Variants in ATG2B observed in about 807,000 individuals in gnomAD.
ATG2B encodes the protein autophagy related 2B, also known as autophagy-related protein 2 homolog B.
ATG2B carries 121 observed loss-of-function variants against 241.3 expected under a neutral mutation model. The observed-to-expected ratio is 0.50, with a 90% CI of 0.43 to 0.58. ATG2B has a LOEUF of 0.58. ATG2B is among the 20% of genes least tolerant of loss of function. ATG2B has a pLI of 0.00. For missense variants in ATG2B, 2,306 were observed against 2,491.6 expected (o/e 0.93, Z 1.59); for synonymous variants, 858 against 876.6 (o/e 0.98, Z 0.37).
At chr14:96,294,288 G>C (rs7158344) in intron 36 of ATG2B, among the ~76,000 whole-genome samples, 6,630 of 152,266 alleles carry the variant, frequency 0.044, 220 homozygotes, top group Non-Finnish European at 0.067. Flanking sequence ...ATAACAAGGG[G>C]GCACTGATCT....
At chr14:96,318,071 A>G (rs550964962) in intron 18 of ATG2B, among the ~76,000 whole-genome samples, 1 of 152,358 alleles carries the variant, frequency 6.6e-6, no homozygotes, top group South Asian at 2.1e-4. Flanking sequence ...GGGCAGTGAC[A>G]AAAGAATCTG....
chr14:96,360,816 G>A (rs1888604188), intron 1 of ATG2B, among the ~76,000 whole-genome samples: 1 of 151,634 alleles, frequency 6.6e-6, no homozygotes, highest in African/African-American at 2.4e-5. Context: ...GTATCTGGCT[G>A]GGTCCTATGG....
chr14:96,358,214 T>A (rs1183482190), intron 1 of ATG2B, among the ~76,000 whole-genome samples: 1 of 151,976 alleles, frequency 6.6e-6, no homozygotes, highest in East Asian at 1.9e-4. Context: ...GGTGGGAGGA[T>A]CACTTGAGCC....
intron 5 of ATG2B, among the ~76,000 whole-genome samples, chr14:96,342,611 A>G (rs995500769): frequency 7.3e-5 from 11 of 151,340 alleles, no homozygotes; most frequent in Admixed American, 2.0e-4. Flanking sequence ...AATCCCAGCT[A>G]CTCAGGAGGC....
At chr14:96,362,264 CAT>C (rs1486579541) in intron 1 of ATG2B, among the ~76,000 whole-genome samples, 1 of 152,156 alleles carries the variant, frequency 6.6e-6, no homozygotes, top group Non-Finnish European at 1.5e-5. Context: ...ATCTTGTAAA[CAT>C]ATAATCAAGC....
chr14:96,307,195 T>C (rs1440055129), intron 29 of ATG2B, among the ~76,000 whole-genome samples: 6 of 152,096 alleles, frequency 3.9e-5, no homozygotes, highest in Non-Finnish European at 8.8e-5. Flanking sequence ...GTGGATCACC[T>C]GAGGTCAGGA....
At chr14:96,301,541 CTCCAGTT>C (rs1886790545) in intron 34 of ATG2B, among the ~76,000 whole-genome samples, 1 of 152,312 alleles carries the variant, frequency 6.6e-6, no homozygotes, top group African/African-American at 2.4e-5. Flanking sequence ...CTGTGCCCAA[CTCCAGTT>C]TTTTTTAGGG....
intron 4 of ATG2B, 90 bp from the exon 5 acceptor site, chr14:96,343,371 C>T (rs1343940722): frequency 3.4e-6 from 2 of 596,724 alleles, no homozygotes; most frequent in African/African-American, 1.9e-5. Flanking sequence ...CTAACCTGCA[C>T]ATTGTGCACA....
rs986365867 is a variant in ATG2B at position 96,305,955 on chromosome 14, A to G, written c.4507-140T>C. On this transcript the variant is annotated intron_variant, in intron 30 of 41. Transcript: ENST00000359933. ...ATAAAATAAGGTGATGGTTACCGAC[A>G]TTAGTCACCACAAAGATATTCTGCT... The G allele has an allele frequency of 4.0e-5, 26 of 653,556 alleles. No homozygotes were observed. In the East Asian group the frequency reaches 6.0e-4, roughly 15 times the overall value. The allele number at this position is 653,556 out of a possible 1,614,324, so 40.5% of individuals were successfully genotyped here.
In ATG2B at chr14:96,315,409, G is replaced by C; in HGVS notation, c.3536C>G (p.Ser1179Cys). The C allele has an allele frequency of 1.2e-6, 2 of 1,614,142 alleles. No individual in the cohort carries two copies. The highest frequency in any genetic ancestry group is 2.2e-5 in the East Asian group (1 of 44,884). ...NMLSVAVKIL[S>C]DKSESNTKEF... ...CTTTGTATTGGACTCTGATTTATCA[G>C]ACAATATTTTAACGGCAACAGACAG... Residue 1179 changes from serine to cysteine, a missense_variant, in exon 22 of 42, where the codon TCT becomes TGT. Ser to Cys is a moderately radical substitution (Grantham distance 112). Transcript: ENST00000359933.
chr14:96,295,052 A>G lies in ATG2B; in HGVS notation c.5334T>C (p.Asp1778=). The change falls in exon 36 of 42, where the codon GAT becomes GAC. Residue 1778 remains aspartate (D), a synonymous_variant. Transcript: ENST00000359933. ...TAACCACTTCCACTGAATTGGCACT[A>G]TCATTTTGGGAAGGCTGTTTTGGCC... ...FSGPKQPSQN[D]SANSVEVVNG... 1 of 1,614,206 alleles carries G rather than the reference A, an allele frequency of 6.2e-7. No individual in the cohort carries two copies. The highest frequency in any genetic ancestry group is 8.5e-7 in the Non-Finnish European group (1 of 1,180,024).
At chr14:96,333,617 G>C in intron 8 of ATG2B, 71 bp downstream of exon 8, 3 of 1,438,938 alleles carry the variant, frequency 2.1e-6, no homozygotes, top group Non-Finnish European at 2.8e-6. Context: ...GTTCACAGCA[G>C]CCAAAATTAA....
chr14:96,322,587 C>A lies in ATG2B; in HGVS notation c.2689G>T (p.Ala897Ser). Residue 897 changes from alanine (A) to serine (S), a missense_variant, in exon 17 of 42, where the codon GCC becomes TCC. Physicochemically the swap from Ala to Ser is moderately conservative, Grantham distance 99. Around this residue, in one of 2 missense-constraint regions of ATG2B, gnomAD observed 1,927 missense variants for 2,011.2 expected, o/e 0.96. Transcript: ENST00000359933. Reference protein sequence around the residue: ...LKDVCDLRRPAPSPFSSRRVM... With the variant: ...LKDVCDLRRPSPSPFSSRRVM... ...CTACGAGAAGAAAAAGGAGATGGGG[C>A]TGGTCTTCTTAGATCACAAACATCT... The A allele has an allele frequency of 6.2e-7, 1 of 1,613,388 alleles. No individual in the cohort carries two copies. The highest frequency in any genetic ancestry group is 8.5e-7 in the Non-Finnish European group (1 of 1,179,822).
At position 96,279,309 on chromosome 14, in the gene ATG2B, T is replaced by C. The variant is rs1346545324; in HGVS notation, c.*6446A>G. 1.3e-5 allele frequency: 2 copies of C among 152,208 alleles called. No homozygotes were observed. The highest frequency in any genetic ancestry group is 6.5e-5 in the Admixed American group (1 of 15,280). 9.4% of individuals were successfully genotyped at this position (152,208 alleles called of 1,614,324 possible). A position where few individuals can be genotyped will look rare whatever the true frequency, so the allele number is the denominator to read the frequency against. On this transcript the variant is annotated 3_prime_UTR_variant, in exon 42 of 42. Transcript: ENST00000359933. ...ACATTGAATAAAGGACATCTGTAAG[T>C]AGTAATCATGTGATCTTGGGCAAAG...
At chr14:96,342,674 A>AT (rs1255543261) in intron 5 of ATG2B, among the ~76,000 whole-genome samples, 1 of 149,138 alleles carries the variant, frequency 6.7e-6, no homozygotes, top group Non-Finnish European at 1.5e-5. Flanking sequence ...GTGAGTCGAG[A>AT]TTGCGCCACT....
At chr14:96,340,438 T>A (rs1888002266) in intron 6 of ATG2B, among the ~76,000 whole-genome samples, 1 of 151,846 alleles carries the variant, frequency 6.6e-6, no homozygotes, top group South Asian at 2.1e-4. Flanking sequence ...TTAAGTGACA[T>A]AAGCCAAGCA....
intron 34 of ATG2B, among the ~76,000 whole-genome samples, chr14:96,299,178 T>C (rs972348232): frequency 2.6e-5 from 4 of 152,174 alleles, no homozygotes; most frequent in African/African-American, 9.7e-5. Context: ...CCAGTCCCAG[T>C]CCACAATCAG....
chr14:96,315,000 C>G (rs967392758), intron 23 of ATG2B, among the ~76,000 whole-genome samples, 154 bp downstream of exon 23: 4 of 152,172 alleles, frequency 2.6e-5, no homozygotes, highest in African/African-American at 9.7e-5. Flanking sequence ...CAATACTGTT[C>G]TATTTCTTAA....
At chr14:96,359,055 G>GA (rs1217548351) in intron 1 of ATG2B, among the ~76,000 whole-genome samples, 17 of 152,094 alleles carry the variant, frequency 1.1e-4, no homozygotes, top group Non-Finnish European at 2.5e-4. Context: ...AGCAGCAATC[G>GA]AAACATTCTT....
Sources: gnomAD v4.1 joint callset for allele counts (sites outside exome capture counted in the v4.1 genomes callset) on GRCh38, gnomAD v4.1.1 for gene constraint, gnomAD v4.1.1 regional missense constraint, MANE v1.5 for transcripts, NCBI Gene and HGNC (gene_info 2026-07-23, HGNC 2026-07-21) for gene names.